Variants in PLCXD1 observed in about 807,000 individuals in gnomAD.
PLCXD1 encodes phosphatidylinositol specific phospholipase C X domain containing 1.
A neutral mutation model predicts 37.8 loss-of-function variants in PLCXD1; 45 were observed. The observed-to-expected ratio is 1.19, with a 90% confidence interval of 0.94 to 1.53. The LOEUF (loss-of-function observed/expected upper bound fraction) is 1.53, where lower values mean the gene tolerates loss of function less well. Ranked by LOEUF, PLCXD1 falls within the 40% of genes most tolerant of loss-of-function variation. The pLI is 0.00. For synonymous variants in PLCXD1, 246 were observed against 206.9 expected (o/e 1.19, Z -1.62); for missense variants, 539 against 454.7 (o/e 1.19, Z -1.69).
chrX:280,041 G>T (rs1365343478), upstream of PLCXD1, among the ~76,000 whole-genome samples: 1 of 152,154 alleles, frequency 6.6e-6, no homozygotes, highest in Non-Finnish European at 1.5e-5. Context: ...CAGTGATGGG[G>T]TTTTGCCATG....
At position 300,539 on chromosome X, in the gene PLCXD1, CATGT is replaced by C. The variant is rs2069979169; in HGVS notation, c.*1207_*1210del. On this transcript the variant is annotated 3_prime_UTR_variant, in exon 7 of 7. Coordinates refer to ENST00000381657, the MANE Select transcript of PLCXD1 (RefSeq NM_018390.4). Reference sequence around the variant, plus strand: ...GCATATGTGTATACGTGTATGCATACATGTATATGTGTATGCATGTATATGTGTA... The same window carrying C: ...GCATATGTGTATACGTGTATGCATACATATGTGTATGCATGTATATGTGTA... 1.5e-5 allele frequency: 2 copies of C among 137,050 alleles called. No homozygotes were observed. Among genetic ancestry groups the C allele is most frequent in the African/African-American group, 6.4e-5 (2 of 31,194 alleles). The allele number at this position is 137,050 out of a possible 1,614,324, so 8.5% of individuals were successfully genotyped here. A position where few individuals can be genotyped will look rare whatever the true frequency, so the allele number is the denominator to read the frequency against.
At position 301,882 on chromosome X, in the gene PLCXD1, T is replaced by A. The variant is rs1321544316; in HGVS notation, c.*2547T>A. The A allele has an allele frequency of 6.6e-6, 1 of 152,322 alleles. No homozygotes were observed. The highest frequency in any genetic ancestry group is 6.5e-5 in the Admixed American group (1 of 15,284). The allele number at this position is 152,322 out of a possible 1,614,324, so 9.4% of individuals were successfully genotyped here. On this transcript the variant is annotated 3_prime_UTR_variant, in exon 7 of 7. Coordinates refer to ENST00000381657, the MANE Select transcript of PLCXD1 (RefSeq NM_018390.4). ...CTCAGGTGATCCATCCGCATTGGCC[T>A]CCCAAAGTGCTGGGATCACAGGCGT...
At chrX:295,138 C>T (rs1350130514) in intron 6 of PLCXD1, among the ~76,000 whole-genome samples, 1 of 151,368 alleles carries the variant, frequency 6.6e-6, no homozygotes, top group Non-Finnish European at 1.5e-5. Context: ...CACAGCACTC[C>T]AGCCTGGGCA....
chrX:278,789 G>A (rs2069203994), upstream of PLCXD1, among the ~76,000 whole-genome samples: 1 of 105,554 alleles, frequency 9.5e-6, no homozygotes, highest in Non-Finnish European at 2.4e-5. Context: ...ACGCGCCTGT[G>A]ACCGAGCCTC....
At chrX:277,209 G>A (rs935354239), upstream of PLCXD1, among the ~76,000 whole-genome samples, 2 of 150,126 alleles carry the variant, frequency 1.3e-5, no homozygotes, top group South Asian at 2.1e-4. Context: ...GGGGACAGGA[G>A]GGGGCGCCCC....
chrX:288,901 C>G, intron 3 of PLCXD1, 32 bp downstream of exon 3: 2 of 1,607,410 alleles, frequency 1.2e-6, no homozygotes, highest in Non-Finnish European at 1.7e-6. Flanking sequence ...GCTGACCTGG[C>G]CTGTCAGCTA....
upstream of PLCXD1, among the ~76,000 whole-genome samples, chrX:278,217 C>G (rs2069193166): frequency 6.7e-6 from 1 of 148,154 alleles, no homozygotes; most frequent in Non-Finnish European, 1.5e-5. Context: ...CCTCAGTGGT[C>G]AGGGGACCTG....
intron 3 of PLCXD1, among the ~76,000 whole-genome samples, chrX:289,810 C>T (rs895905144): frequency 9.2e-5 from 14 of 152,154 alleles, no homozygotes; most frequent in East Asian, 5.8e-4. Context: ...CGCGCCCGGC[C>T]GAGACAACCC....
At chrX:278,247 G>A (rs1464759866), upstream of PLCXD1, among the ~76,000 whole-genome samples, 8 of 119,752 alleles carry the variant, frequency 6.7e-5, no homozygotes, top group East Asian at 1.6e-3. Context: ...GAAGGTGACG[G>A]GAGGGGAGGG....
In PLCXD1 at chrX:287,659, T is replaced by C. The variant is rs1258134677; in HGVS notation, c.128-1074T>C. On this transcript the variant is annotated intron_variant, in intron 2 of 6. Transcript: ENST00000381657. Reference sequence around the variant, plus strand: ...TAGATATAGATACTATATATGTTTATGGATATAGATACTATATATCTTTGT... The same window carrying C: ...TAGATATAGATACTATATATGTTTACGGATATAGATACTATATATCTTTGT... Among the ~76,000 whole-genome samples the C allele has an allele frequency of 5.4e-5, 7 of 129,984 alleles. 2 individuals carry two copies. Among genetic ancestry groups the C allele is most frequent in the Non-Finnish European group, 8.2e-5 (5 of 61,086 alleles). The allele number at this position is 129,984 out of a possible 152,430, so 85.3% of individuals were successfully genotyped here.
At chrX:278,846 G>A (rs1443993194), upstream of PLCXD1, among the ~76,000 whole-genome samples, 1 of 152,030 alleles carries the variant, frequency 6.6e-6, no homozygotes, top group East Asian at 1.9e-4. Flanking sequence ...GGACATCTTG[G>A]TATTATGCAT....
At chrX:286,389 G>A (rs748102086) in intron 2 of PLCXD1, among the ~76,000 whole-genome samples, 2 of 152,230 alleles carry the variant, frequency 1.3e-5, no homozygotes, top group South Asian at 2.1e-4. Context: ...GTAGAGATGC[G>A]GGGCATCTGT....
intron 2 of PLCXD1, among the ~76,000 whole-genome samples, chrX:284,661 C>G (rs1282169653): frequency 5.7e-5 from 2 of 35,196 alleles, no homozygotes; most frequent in African/African-American, 1.1e-4. Context: ...CACATCTGCA[C>G]ACACACATGC....
At chrX:288,186 A>G (rs1569564476) in intron 2 of PLCXD1, among the ~76,000 whole-genome samples, 1 of 151,974 alleles carries the variant, frequency 6.6e-6, no homozygotes, top group Non-Finnish European at 1.5e-5. Flanking sequence ...TTTTGAGAGC[A>G]TGTGTAAAGA....
At chrX:290,429 CAAAAA>C (rs56084430) in intron 3 of PLCXD1, among the ~76,000 whole-genome samples, 1 of 126,308 alleles carries the variant, frequency 7.9e-6, no homozygotes, top group Non-Finnish European at 1.7e-5. Flanking sequence ...GACTCCGTCT[CAAAAA>C]AAAAAAAAAA....
At chrX:283,293 A>G (rs2069334084) in intron 1 of PLCXD1, 2 of 150,654 alleles carry the variant, frequency 1.3e-5, no homozygotes, top group Non-Finnish European at 2.9e-5. Flanking sequence ...GAAGGCAGAA[A>G]GAAGTGGCTC....
chrX:302,613 C>T lies in PLCXD1; in HGVS notation c.*3278C>T, dbSNP rs1396902354. ...TTGAGACGGAGTTTCGCTCTCGTTG[C>T]CGAGGCTGGAGTGTAGTAGTGTGAT... is the stretch of plus-strand genomic sequence containing the variant. On this transcript the variant is annotated 3_prime_UTR_variant, in exon 7 of 7. Transcript: ENST00000381657. The T allele has an allele frequency of 6.6e-6, 1 of 151,928 alleles. No homozygotes were observed. Among genetic ancestry groups the T allele is most frequent in the African/African-American group, 2.4e-5 (1 of 41,360 alleles). 9.4% of individuals were successfully genotyped at this position (151,928 alleles called of 1,614,324 possible).
Position 301,044 on chromosome X carries a change from T to C in PLCXD1, c.*1709T>C, listed in dbSNP as rs1306750631. ...ATTATGTTTAGGGACAGGGTCTTTT[T>C]CTGTCACCCAGGCTGGAGGGCAGTG... is the stretch of plus-strand genomic sequence containing the variant. On this transcript the variant is annotated 3_prime_UTR_variant, in exon 7 of 7. Transcript: ENST00000381657. 6.6e-6 allele frequency: 1 copy of C among 152,226 alleles called. No homozygotes were observed. The highest frequency in any genetic ancestry group is 2.4e-5 in the African/African-American group (1 of 41,444). 9.4% of individuals were successfully genotyped at this position (152,226 alleles called of 1,614,324 possible).
chrX:278,947 T>G (rs1454381965), upstream of PLCXD1, among the ~76,000 whole-genome samples: 2 of 151,974 alleles, frequency 1.3e-5, no homozygotes, highest in Admixed American at 1.3e-4. Flanking sequence ...CGAACAGGCT[T>G]TGTGTGAGCG....
Sources: gnomAD v4.1 joint callset for allele counts (sites outside exome capture counted in the v4.1 genomes callset) on GRCh38, gnomAD v4.1.1 for gene constraint, MANE v1.5 for transcripts, NCBI Gene and HGNC (gene_info 2026-07-23, HGNC 2026-07-21) for gene names.